The following LOC122513141 variants were observed in gnomAD, a reference collection of about 807,000 sequenced individuals.
chr9:137,218,489 C>T, the LOC122513141 span: 6 of 397,704 alleles, frequency 1.5e-5, no homozygotes, highest in South Asian at 1.3e-4. Flanking sequence ...CTGTGCCCGC[C>T]GCCTGGCGCT....
the LOC122513141 span, chr9:137,217,965 C>T: frequency 2.5e-6 from 1 of 398,792 alleles, no homozygotes; most frequent in Non-Finnish European, 4.4e-6. Context: ...GCTGAGACTA[C>T]AGCCAGTGAG....
At chr9:137,218,589 G>C in the LOC122513141 span, 8 of 398,864 alleles carry the variant, frequency 2.0e-5, no homozygotes, top group African/African-American at 1.6e-4. Context: ...CTCCTGGACC[G>C]CTCTGGCCGC....
chr9:137,218,054 G>A, the LOC122513141 span: 3 of 399,390 alleles, frequency 7.5e-6, no homozygotes, highest in African/African-American at 6.2e-5. Context: ...GCAGGCAGCA[G>A]GGCAGGGGGA....
chr9:137,217,846 C>T, the LOC122513141 span: 1 of 398,240 alleles, frequency 2.5e-6, no homozygotes, highest in Non-Finnish European at 4.4e-6. Flanking sequence ...TGGCCGACTC[C>T]AGCTCTGGGC....
chr9:137,217,971 G>T, the LOC122513141 span: 3 of 398,844 alleles, frequency 7.5e-6, no homozygotes, highest in East Asian at 1.1e-4. Context: ...ACTACAGCCA[G>T]TGAGCCCCTG....
At chr9:137,217,941 GGCACCCCCAAGGTGCTGAGACTACA>G in the LOC122513141 span, 1 of 398,640 alleles carries the variant, frequency 2.5e-6, no homozygotes, top group East Asian at 3.6e-5. Flanking sequence ...GATGACCTTG[GGCACCCCCAAGGTGCTGAGACTACA>G]GCCAGTGAGC....
At chr9:137,217,690 T>G in the LOC122513141 span, 1 of 310,708 alleles carries the variant, frequency 3.2e-6, no homozygotes, top group East Asian at 5.0e-5. Flanking sequence ...AGCCGGGAGG[T>G]CAGTGCCAGA....
chr9:137,217,696 C>G, the LOC122513141 span: 1 of 324,984 alleles, frequency 3.1e-6, no homozygotes, highest in Non-Finnish European at 5.6e-6. Context: ...GAGGTCAGTG[C>G]CAGAGCTCTG....
the LOC122513141 span, chr9:137,218,487 G>A: frequency 9.7e-4 from 385 of 397,854 alleles, 3 homozygotes; most frequent in African/African-American, 6.6e-3. Context: ...CCCTGTGCCC[G>A]CCGCCTGGCG....
At chr9:137,219,342 A>C in the LOC122513141 span, 1 of 151,804 alleles carries the variant, frequency 6.6e-6, no homozygotes, top group Non-Finnish European at 1.5e-5. Context: ...AGCAGCTTTC[A>C]ATAAACCAGC....
the LOC122513141 span, chr9:137,218,980 C>G: frequency 4.6e-6 from 1 of 217,740 alleles, no homozygotes; most frequent in South Asian, 1.8e-4. Flanking sequence ...CGAGGGCCAG[C>G]TGAGCACAGC....
the LOC122513141 span, chr9:137,218,475 G>A: frequency 2.5e-6 from 1 of 397,618 alleles, no homozygotes; most frequent in Non-Finnish European, 4.4e-6. Flanking sequence ...CGGGAGCGGG[G>A]ACCCTGTGCC....
the LOC122513141 span, chr9:137,218,263 A>G: frequency 5.0e-6 from 2 of 398,148 alleles, no homozygotes; most frequent in Non-Finnish European, 8.9e-6. Context: ...TCTGCCGGCT[A>G]CAGGAGGAGC....
At chr9:137,219,120 A>T in the LOC122513141 span, 1 of 153,294 alleles carries the variant, frequency 6.5e-6, no homozygotes, top group Non-Finnish European at 1.5e-5. Context: ...GGAGGGGTCC[A>T]TGCTGCGAAA....
At chr9:137,218,186 A>G in the LOC122513141 span, 2 of 398,252 alleles carry the variant, frequency 5.0e-6, no homozygotes, top group Middle Eastern at 6.3e-4. Flanking sequence ...CTCGGCCTCC[A>G]GTGCCGACCT....
chr9:137,218,589 G>A, the LOC122513141 span: 14 of 398,982 alleles, frequency 3.5e-5, no homozygotes, highest in Non-Finnish European at 5.3e-5. Context: ...CTCCTGGACC[G>A]CTCTGGCCGC....
the LOC122513141 span, chr9:137,218,429 T>C: frequency 6.0e-5 from 24 of 398,240 alleles, 1 homozygote; most frequent in Admixed American, 1.0e-3. Context: ...CTTCCTGCCC[T>C]GTCCACCCTG....
chr9:137,218,093 C>T, the LOC122513141 span: 9 of 398,936 alleles, frequency 2.3e-5, no homozygotes, highest in East Asian at 2.8e-4. Flanking sequence ...CTGCACAGAG[C>T]CCTACGGGCC....
the LOC122513141 span, chr9:137,218,719 C>T: frequency 1.0e-5 from 4 of 397,556 alleles, no homozygotes; most frequent in Admixed American, 4.4e-5. Flanking sequence ...AGGTTGGGTC[C>T]AGGGCAGTGG....
Sources: allele counts gnomAD v4.1 joint callset, GRCh38; gene constraint gnomAD v4.1.1; transcripts MANE v1.5.